The following CCSER2 variants were observed in gnomAD, a reference collection of about 807,000 sequenced individuals.
CCSER2 encodes serine-rich coiled-coil domain-containing protein 2.
CCSER2 carries 46 observed loss-of-function variants against 92.3 expected under a neutral mutation model. That is an observed-to-expected ratio of 0.50 (90% CI 0.39 to 0.64). The LOEUF is 0.64. Among genes scored for constraint, CCSER2 ranks in the 30% least tolerant of loss-of-function variants. The pLI is 0.00. For missense variants in CCSER2, 1,244 were observed against 1,238.9 expected (o/e 1.00, Z -0.06); for synonymous variants, 433 against 431.4 (o/e 1.00, Z -0.04).
At chr10:84,373,992 G>A (rs1846202127) in intron 3 of CCSER2, 177 bp downstream of exon 3, 1 of 1,335,666 alleles carries the variant, frequency 7.5e-7, no homozygotes, top group Admixed American at 2.7e-5. Context: ...AAAGCATGGA[G>A]AATATATGAC....
intron 6 of CCSER2, among the ~76,000 whole-genome samples, chr10:84,446,861 A>G (rs1317714150): frequency 1.3e-5 from 2 of 152,022 alleles, no homozygotes; most frequent in Non-Finnish European, 2.9e-5. Context: ...AAGTGAAATT[A>G]TAATGTGAGT....
intron 7 of CCSER2, among the ~76,000 whole-genome samples, chr10:84,465,282 TGTGTGTGTGA>T (rs1357489410): frequency 1.0e-5 from 1 of 95,608 alleles, no homozygotes; most frequent in Non-Finnish European, 2.1e-5. Context: ...TGTGTGTGTG[TGTGTGTGTGA>T]AAAAGTTTTT....
intron 8 of CCSER2, among the ~76,000 whole-genome samples, chr10:84,474,005 G>T (rs183178410): frequency 1.7e-3 from 263 of 152,262 alleles, no homozygotes; most frequent in African/African-American, 6.1e-3. Context: ...AAAATATTCT[G>T]ATTTAAAATC....
chr10:84,425,035 GA>G, intron 4 of CCSER2: 1 of 979,854 alleles, frequency 1.0e-6, no homozygotes, highest in Non-Finnish European at 1.2e-6. Flanking sequence ...GATATGTGAG[GA>G]AAAAGTATTT....
At chr10:84,436,671 C>A (rs1042342072) in intron 5 of CCSER2, among the ~76,000 whole-genome samples, 1 of 150,228 alleles carries the variant, frequency 6.7e-6, no homozygotes, top group Non-Finnish European at 1.5e-5. Flanking sequence ...CTAGTCACTG[C>A]GGGAGGCAGG....
chr10:84,432,256 A>G (rs1462119376), intron 5 of CCSER2, among the ~76,000 whole-genome samples: 1 of 151,912 alleles, frequency 6.6e-6, no homozygotes, highest in Non-Finnish European at 1.5e-5. Context: ...TTATAATTTC[A>G]ACTTTTACTT....
At chr10:84,428,263 T>G (rs945770355) in intron 5 of CCSER2, among the ~76,000 whole-genome samples, 7 of 152,186 alleles carry the variant, frequency 4.6e-5, no homozygotes, top group Non-Finnish European at 8.8e-5. Context: ...GATGAAACTC[T>G]TCCACCTCAA....
At chr10:84,457,737 G>GTTTGTTTTTGTT (rs374450579) in intron 6 of CCSER2, among the ~76,000 whole-genome samples, 4 of 128,048 alleles carry the variant, frequency 3.1e-5, no homozygotes, top group African/African-American at 5.9e-5. Flanking sequence ...AATTTTGTTT[G>GTTTGTTTTTGTT]TTTGTTTTTG....
intron 1 of CCSER2, among the ~76,000 whole-genome samples, chr10:84,333,593 T>C (rs1247119309): frequency 2.0e-5 from 3 of 152,254 alleles, no homozygotes; most frequent in East Asian, 1.9e-4. Flanking sequence ...GGGGATGATA[T>C]GGTATGTTAT....
Position 84,465,690 on chromosome 10 carries a change from C to G in CCSER2, c.2148+1674C>G, listed in dbSNP as rs146655653. The stretch of plus-strand genomic sequence containing the variant: ...TTTTTACACAATTGGTATCTTTACT[C>G]TTTTCCAGTGTTCCTTTCTAGTTCA... On this transcript the variant is annotated intron_variant, in intron 7 of 9. Coordinates refer to ENST00000372088, the MANE Select transcript of CCSER2 (RefSeq NM_001284240.2). 2.1e-3 allele frequency among the ~76,000 whole-genome samples: 322 copies of G among 151,902 alleles called. 4 individuals carry two copies. The highest frequency in any genetic ancestry group is 7.4e-3 in the African/African-American group (307 of 41,246).
At chr10:84,504,017 T>C (rs1848910991) in intron 9 of CCSER2, among the ~76,000 whole-genome samples, 1 of 152,192 alleles carries the variant, frequency 6.6e-6, no homozygotes, top group Non-Finnish European at 1.5e-5. Flanking sequence ...AGAGAAAGTA[T>C]GTATTTACAA....
chr10:84,425,084 C>T (rs1169709986), intron 4 of CCSER2: 1 of 967,768 alleles, frequency 1.0e-6, no homozygotes, highest in Non-Finnish European at 1.2e-6. Context: ...CAAAGAGATT[C>T]TTTTCGTGTT....
intron 3 of CCSER2, among the ~76,000 whole-genome samples, chr10:84,402,996 G>A (rs189976430): frequency 1.8e-4 from 28 of 152,250 alleles, no homozygotes; most frequent in Non-Finnish European, 2.5e-4. Flanking sequence ...GGGAACTAGA[G>A]TAGCTTACAC....
At chr10:84,374,112 G>A (rs528785153) in intron 3 of CCSER2, 113 of 535,208 alleles carry the variant, frequency 2.1e-4, no homozygotes, top group Non-Finnish European at 3.1e-4. Flanking sequence ...TGGGGGAGGA[G>A]GTCAATGACT....
At chr10:84,448,749 C>T (rs1441273529) in intron 6 of CCSER2, among the ~76,000 whole-genome samples, 2 of 152,184 alleles carry the variant, frequency 1.3e-5, no homozygotes, top group African/African-American at 2.4e-5. Flanking sequence ...CTTTCTCAAA[C>T]CCGGCCCAGG....
At chr10:84,334,241 G>A (rs1202759449) in intron 1 of CCSER2, among the ~76,000 whole-genome samples, 2 of 152,102 alleles carry the variant, frequency 1.3e-5, no homozygotes, top group Non-Finnish European at 1.5e-5. Context: ...TTGTCTTTCC[G>A]TTGTTATTGA....
intron 1 of CCSER2, among the ~76,000 whole-genome samples, chr10:84,341,343 CTTTTTTTTTTTTT>C (rs35558044): frequency 2.1e-5 from 2 of 94,304 alleles, no homozygotes; most frequent in Middle Eastern, 5.5e-3. Flanking sequence ...CTTTGTAACT[CTTTTTTTTTTTTT>C]TTTTTTTTTT....
chr10:84,506,461 G>A (rs1279753331), intron 9 of CCSER2, among the ~76,000 whole-genome samples: 2 of 152,114 alleles, frequency 1.3e-5, no homozygotes, highest in African/African-American at 4.8e-5. Context: ...ATCATATTCA[G>A]GTTAAGATCA....
intron 1 of CCSER2, among the ~76,000 whole-genome samples, chr10:84,338,300 A>C (rs1299203771): frequency 5.1e-5 from 2 of 39,576 alleles, no homozygotes; most frequent in South Asian, 7.9e-4. Context: ...TTAAAAAAAA[A>C]AAAAACAAAA....
Sources: gnomAD v4.1 joint callset for allele counts (sites outside exome capture counted in the v4.1 genomes callset) on GRCh38, gnomAD v4.1.1 for gene constraint, MANE v1.5 for transcripts, NCBI Gene and HGNC (gene_info 2026-07-23, HGNC 2026-07-21) for gene names.